FOXP1: variants seen among roughly 807,000 people sequenced by gnomAD.
FOXP1 encodes forkhead box protein P1.
A neutral mutation model predicts 98.2 loss-of-function variants in FOXP1; 15 were observed. The observed-to-expected ratio is 0.15, with a 90% CI of 0.10 to 0.24. The LOEUF (loss-of-function observed/expected upper bound fraction) is 0.24. Ranked by LOEUF, FOXP1 falls within the 10% of genes least tolerant of loss-of-function variation. The pLI, the probability that FOXP1 is intolerant of heterozygous loss-of-function variation, is 1.00. For missense variants in FOXP1, 633 were observed against 848.5 expected, an observed-to-expected ratio of 0.75 and a Z score of 3.15; for synonymous variants, 371 against 314.5, an observed-to-expected ratio of 1.18 and a Z score of -1.90.
At chr3:71,200,475 C>T (rs2063602313) in intron 5 of FOXP1, among the ~76,000 whole-genome samples, 1 of 152,178 alleles carries the variant, frequency 6.6e-6, no homozygotes, top group Non-Finnish European at 1.5e-5. Flanking sequence ...AAGCCCTTTA[C>T]CACAATGTGT....
intron 5 of FOXP1, among the ~76,000 whole-genome samples, chr3:71,252,110 G>C (rs1020584595): frequency 1.4e-4 from 17 of 118,532 alleles, no homozygotes; most frequent in South Asian, 9.0e-4. Flanking sequence ...CTTGATAAGA[G>C]GACACTAAGA....
In FOXP1 at chr3:71,012,829, C is replaced by T. The variant is rs141634448; in HGVS notation, c.974+2720G>A. Among the ~76,000 whole-genome samples, 1,040 of 152,198 alleles carry T rather than the reference C, an allele frequency of 6.8e-3. 16 individuals carry two copies. Among genetic ancestry groups the T allele is most frequent in the African/African-American group, 0.024 (984 of 41,536 alleles). On this transcript the variant is annotated intron_variant, in intron 12 of 20. Coordinates refer to ENST00000649528, the MANE Select transcript of FOXP1 (RefSeq NM_001349338.3). ...GCTAGAAGGAGATGGTCCCCAACAC[C>T]CAATTTGTAAACCATCAAGCACCCA...
intron 2 of FOXP1, among the ~76,000 whole-genome samples, chr3:71,578,862 G>A (rs1382733591): frequency 2.0e-5 from 3 of 152,162 alleles, no homozygotes; most frequent in African/African-American, 7.2e-5. Context: ...TATTAACTCA[G>A]TTAACTTTTG....
chr3:70,960,711 C>T (rs1016110480), intron 20 of FOXP1, among the ~76,000 whole-genome samples: 3 of 151,932 alleles, frequency 2.0e-5, no homozygotes, highest in Non-Finnish European at 4.4e-5. Context: ...GCCCCTTGAA[C>T]CATTTAAAAA....
intron 5 of FOXP1, among the ~76,000 whole-genome samples, chr3:71,233,563 A>T (rs898141327): frequency 1.0e-4 from 15 of 145,788 alleles, no homozygotes; most frequent in Non-Finnish European, 1.8e-4. Context: ...AGTAGCTGGG[A>T]TTACAAATGC....
intron 2 of FOXP1, among the ~76,000 whole-genome samples, chr3:71,579,692 C>T (rs945419919): frequency 7.3e-6 from 1 of 136,498 alleles, no homozygotes; most frequent in Non-Finnish European, 1.5e-5. Context: ...AAAACCTTGG[C>T]TTCCCTGACA....
intron 2 of FOXP1, among the ~76,000 whole-genome samples, chr3:71,515,348 T>G (rs573671848): frequency 6.6e-6 from 1 of 151,430 alleles, no homozygotes; most frequent in African/African-American, 2.4e-5. Context: ...TTCTGCTTGT[T>G]GTTTTACACT....
chr3:71,328,266 C>A (rs923229810), intron 4 of FOXP1, among the ~76,000 whole-genome samples: 2 of 151,286 alleles, frequency 1.3e-5, no homozygotes, highest in African/African-American at 2.4e-5. Flanking sequence ...CCGTTTCTAC[C>A]AAAGAAATAA....
intron 4 of FOXP1, among the ~76,000 whole-genome samples, chr3:71,315,919 T>C (rs2075049311): frequency 6.6e-6 from 1 of 152,240 alleles, no homozygotes; most frequent in African/African-American, 2.4e-5. Flanking sequence ...AGGTATCTTC[T>C]ATTTGCCTCT....
intron 3 of FOXP1, among the ~76,000 whole-genome samples, chr3:71,412,488 A>C (rs2082829059): frequency 6.6e-6 from 1 of 152,274 alleles, no homozygotes; most frequent in Middle Eastern, 3.4e-3. Context: ...ATTCTGGCCA[A>C]AGTGGGCCAG....
intron 11 of FOXP1, among the ~76,000 whole-genome samples, chr3:71,016,289 C>T (rs538775723): frequency 2.6e-5 from 4 of 152,128 alleles, no homozygotes; most frequent in Non-Finnish European, 4.4e-5. Flanking sequence ...GGCATGAACA[C>T]GAAGGGGTTA....
chr3:71,014,694 T>C (rs1559722774), intron 12 of FOXP1, among the ~76,000 whole-genome samples: 2 of 152,194 alleles, frequency 1.3e-5, no homozygotes, highest in Non-Finnish European at 2.9e-5. Context: ...CATGCACATG[T>C]ATGTTTATTG....
intron 3 of FOXP1, among the ~76,000 whole-genome samples, chr3:71,476,807 T>C (rs1222985430): frequency 6.6e-6 from 1 of 152,042 alleles, no homozygotes; most frequent in African/African-American, 2.4e-5. Flanking sequence ...CCGGGCCGCA[T>C]TGATGGTTTT....
chr3:71,242,886 G>A (rs972331594), intron 5 of FOXP1, among the ~76,000 whole-genome samples: 5 of 151,864 alleles, frequency 3.3e-5, no homozygotes, highest in East Asian at 1.9e-4. Flanking sequence ...TTTATTCATC[G>A]AAGAATCCAT....
chr3:71,086,799 G>T (rs2055151419), intron 7 of FOXP1, among the ~76,000 whole-genome samples: 1 of 152,206 alleles, frequency 6.6e-6, no homozygotes, highest in Non-Finnish European at 1.5e-5. Context: ...TCCATCACTT[G>T]CTTCCACTCC....
intron 2 of FOXP1, among the ~76,000 whole-genome samples, chr3:71,569,198 C>T (rs2047142464): frequency 6.6e-6 from 1 of 152,130 alleles, no homozygotes; most frequent in Admixed American, 6.5e-5. Context: ...CACTAATGGG[C>T]AGAATAGGGG....
intron 7 of FOXP1, among the ~76,000 whole-genome samples, chr3:71,089,591 C>CA (rs2055561210): frequency 1.3e-5 from 2 of 152,176 alleles, no homozygotes; most frequent in African/African-American, 4.8e-5. Context: ...GGCTTGCACA[C>CA]ACTTTCTTCC....
chr3:71,367,933 A>C (rs1454798414), intron 3 of FOXP1, among the ~76,000 whole-genome samples: 1 of 152,094 alleles, frequency 6.6e-6, no homozygotes, highest in East Asian at 1.9e-4. Flanking sequence ...CCAACCACAG[A>C]ACACAAGCAG....
intron 13 of FOXP1, 57 bp from the exon 14 acceptor site, chr3:70,988,134 A>G: frequency 7.1e-7 from 1 of 1,402,602 alleles, no homozygotes; most frequent in Non-Finnish European, 1.0e-6. Context: ...GGCTCTTAAC[A>G]CCAAAAATGA....
Sources: gnomAD v4.1 joint callset for allele counts (sites outside exome capture counted in the v4.1 genomes callset) on GRCh38, gnomAD v4.1.1 for gene constraint, MANE v1.5 for transcripts, NCBI Gene and HGNC (gene_info 2026-07-23, HGNC 2026-07-21) for gene names.